Variants in POLN observed in about 807,000 individuals in gnomAD.
POLN encodes DNA polymerase N.
A neutral mutation model predicts 113.5 loss-of-function variants in POLN; 108 were observed. That is an observed-to-expected ratio of 0.95 (90% CI 0.81 to 1.12). The LOEUF (loss-of-function observed/expected upper bound fraction) is 1.12, where lower values mean the gene tolerates loss of function less well. Among genes scored for constraint, POLN ranks in the 50% most tolerant of loss-of-function variants. POLN has a pLI of 0.00. For synonymous variants in POLN, 386 were observed against 391.5 expected (o/e 0.99, Z 0.17); for missense variants, 1,097 against 1,077.1 (o/e 1.02, Z -0.26).
At chr4:2,234,108 T>C (rs1034911824) in intron 2 of POLN, 16 of 152,146 alleles carry the variant, frequency 1.1e-4, no homozygotes, top group East Asian at 1.9e-4. Flanking sequence ...AGCTACAAAA[T>C]TGATGGCACA....
intron 13 of POLN, among the ~76,000 whole-genome samples, chr4:2,164,399 G>T (rs1341430578): frequency 6.6e-6 from 1 of 151,656 alleles, no homozygotes; most frequent in Non-Finnish European, 1.5e-5. Context: ...TACTAAGGAG[G>T]CTGAGGCAGG....
intron 16 of POLN, among the ~76,000 whole-genome samples, chr4:2,139,015 A>G (rs482519): frequency 0.87 from 132,464 of 151,872 alleles, 58,319 homozygotes; most frequent in Non-Finnish European, 0.94. Flanking sequence ...GTGCGCAGGC[A>G]TGGAAGCTGC....
At chr4:2,220,182 T>C (rs1437625918) in intron 3 of POLN, among the ~76,000 whole-genome samples, 2 of 152,150 alleles carry the variant, frequency 1.3e-5, no homozygotes, top group African/African-American at 4.8e-5. Context: ...CCTGGCACGA[T>C]GTTAAGCTCC....
intron 20 of POLN, among the ~76,000 whole-genome samples, chr4:2,094,724 T>C (rs1173798334): frequency 6.6e-6 from 1 of 151,960 alleles, no homozygotes; most frequent in Non-Finnish European, 1.5e-5. Context: ...GCCTGGCTGA[T>C]TGGCTGTGGT....
At chr4:2,212,274 TC>T (rs1204373682) in intron 4 of POLN, among the ~76,000 whole-genome samples, 1 of 152,212 alleles carries the variant, frequency 6.6e-6, no homozygotes, top group East Asian at 1.9e-4. Context: ...TTTCTGAAAT[TC>T]TATTATTTCC....
chr4:2,131,902 C>T (rs1354211515), intron 16 of POLN, among the ~76,000 whole-genome samples: 1 of 152,228 alleles, frequency 6.6e-6, no homozygotes, highest in Non-Finnish European at 1.5e-5. Flanking sequence ...GAATTTCTGT[C>T]ACAACATCCT....
intron 18 of POLN, 72 bp downstream of exon 18, chr4:2,129,107 T>C: frequency 1.9e-6 from 2 of 1,028,548 alleles, no homozygotes; most frequent in Non-Finnish European, 1.5e-6. Flanking sequence ...ATTCCATAAG[T>C]ACCTTTGAAT....
At chr4:2,119,820 C>T (rs1022039216) in intron 19 of POLN, among the ~76,000 whole-genome samples, 6 of 151,972 alleles carry the variant, frequency 3.9e-5, no homozygotes, top group African/African-American at 7.3e-5. Context: ...GTATAAGTCA[C>T]GAATGTTGGA....
At chr4:2,165,922 G>A (rs920947561) in intron 13 of POLN, among the ~76,000 whole-genome samples, 4 of 152,016 alleles carry the variant, frequency 2.6e-5, no homozygotes, top group African/African-American at 7.3e-5. Flanking sequence ...GACTACCAGT[G>A]TGCACCACCA....
At chr4:2,199,526 C>G (rs1215536024) in intron 5 of POLN, among the ~76,000 whole-genome samples, 1 of 152,106 alleles carries the variant, frequency 6.6e-6, no homozygotes, top group Admixed American at 6.5e-5. Context: ...AGGATGACAG[C>G]AGATTTCTTT....
intron 13 of POLN, among the ~76,000 whole-genome samples, chr4:2,164,976 T>C (rs896041174): frequency 1.3e-5 from 2 of 152,064 alleles, no homozygotes; most frequent in Non-Finnish European, 2.9e-5. Context: ...TCATTGTTGG[T>C]GGGAATGCAA....
At chr4:2,114,764 G>A (rs556324342) in intron 19 of POLN, among the ~76,000 whole-genome samples, 12 of 152,170 alleles carry the variant, frequency 7.9e-5, no homozygotes, top group Admixed American at 4.6e-4. Flanking sequence ...TTTTGGATAC[G>A]TAGATTGACA....
At chr4:2,148,976 C>G (rs1315571377) in intron 16 of POLN, among the ~76,000 whole-genome samples, 1 of 152,020 alleles carries the variant, frequency 6.6e-6, no homozygotes. Context: ...CTTTCAAAAA[C>G]CAAAGGTGAG....
intron 16 of POLN, among the ~76,000 whole-genome samples, chr4:2,142,716 T>C (rs575883869): frequency 4.6e-5 from 7 of 152,228 alleles, no homozygotes; most frequent in African/African-American, 1.7e-4. Context: ...CCTGCTCTCA[T>C]TAGCCAAAGG....
chr4:2,113,282 T>C (rs1007707226), intron 19 of POLN, among the ~76,000 whole-genome samples: 6 of 150,310 alleles, frequency 4.0e-5, no homozygotes, highest in African/African-American at 9.8e-5. Flanking sequence ...ATATACCTAA[T>C]GCTAAATGAC....
At chr4:2,109,771 G>A (rs1312948440) in intron 19 of POLN, among the ~76,000 whole-genome samples, 1 of 152,026 alleles carries the variant, frequency 6.6e-6, no homozygotes, top group Non-Finnish European at 1.5e-5. Flanking sequence ...CATGTATATT[G>A]ATCAGTGTCT....
At chr4:2,176,132 T>C (rs559047882) in intron 9 of POLN, 134 bp downstream of exon 9, 6 of 742,700 alleles carry the variant, frequency 8.1e-6, no homozygotes, top group African/African-American at 3.6e-5. Context: ...TTCTGAGTAA[T>C]GCACAGGTTA....
At chr4:2,207,849 T>A (rs934693056) in intron 5 of POLN, 138 bp downstream of exon 5, 1 of 965,634 alleles carries the variant, frequency 1.0e-6, no homozygotes, top group East Asian at 2.6e-5. Context: ...GGAGCATACA[T>A]TGTCAATCAC....
rs200482648 is a variant in POLN at position 2,185,033 on chromosome 4, AG to A, written c.1022-5569del. Among the ~76,000 whole-genome samples, 450 of 152,354 alleles carry A rather than the reference AG, an allele frequency of 3.0e-3. 3 individuals are homozygous for A. Among genetic ancestry groups the A allele is most frequent in the African/African-American group, 0.01 (428 of 41,594 alleles). Reference sequence around the variant, plus strand: ...TTAGGGTAACCAAATAGATGATAAAAGGGGATTTCTCTTTATGTAAGTGTTA... The same window carrying A: ...TTAGGGTAACCAAATAGATGATAAAAGGGATTTCTCTTTATGTAAGTGTTA... On this transcript the variant is annotated intron_variant, in intron 7 of 25. Transcript: ENST00000511885.
Sources: allele counts gnomAD v4.1 joint callset (sites outside exome capture counted in the v4.1 genomes callset), GRCh38; gene constraint gnomAD v4.1.1; transcripts MANE v1.5; gene names NCBI Gene and HGNC (gene_info 2026-07-23, HGNC 2026-07-21).